Variants in MACROD2 observed in about 807,000 individuals in gnomAD.
MACROD2 encodes the protein ADP-ribose glycohydrolase MACROD2.
Under a neutral mutation model 70.4 loss-of-function variants are expected in MACROD2, and 36 were observed. The ratio of observed to expected loss-of-function variants is 0.51; its 90% CI spans 0.39 to 0.68. The LOEUF (loss-of-function observed/expected upper bound fraction) is 0.68, where lower values mean the gene tolerates loss of function less well. Ranked by LOEUF, MACROD2 falls within the 30% of genes least tolerant of loss-of-function variation. The pLI is 0.00. For missense variants in MACROD2, 496 were observed against 538.4 expected (o/e 0.92, Z 0.78); for synonymous variants, 172 against 178.8 (o/e 0.96, Z 0.30).
At position 15,198,376 on chromosome 20, in the gene MACROD2, C is replaced by T. The variant is rs113587841; in HGVS notation, c.419-31564C>T. 4.1e-3 allele frequency among the ~76,000 whole-genome samples: 617 copies of T among 152,136 alleles called. 6 individuals are homozygous for T. Among genetic ancestry groups the T allele is most frequent in the African/African-American group, 0.014 (578 of 41,500 alleles). ...TTTCTAATTATAAGCATTGCCAACG[C>T]GTCAGTTCTAAGTGAATATGTTTAT... is the stretch of plus-strand genomic sequence containing the variant. On this transcript the variant is annotated intron_variant, in intron 5 of 17. Transcript: ENST00000684519.
intron 3 of MACROD2, among the ~76,000 whole-genome samples, chr20:14,359,438 C>A (rs998069228): frequency 2.0e-5 from 3 of 152,002 alleles, no homozygotes; most frequent in African/African-American, 7.3e-5. Context: ...AATAGAACTA[C>A]CATATGATTC....
At position 14,260,361 on chromosome 20, in the gene MACROD2, T is replaced by C. The variant is rs187463537; in HGVS notation, c.271+174633T>C. On this transcript the variant is annotated intron_variant, in intron 3 of 17. Coordinates refer to ENST00000684519, the MANE Select transcript of MACROD2 (RefSeq NM_001351661.2). ...CTGTCAGAATTAACTTCATAGGATT[T>C]CTCAGTGCAAAAAAATGTCATGATA... Among the ~76,000 whole-genome samples the C allele has an allele frequency of 2.2e-4, 34 of 152,308 alleles. No homozygotes were observed. In the East Asian group the frequency reaches 4.2e-3, roughly 19 times the overall value.
intron 6 of MACROD2, among the ~76,000 whole-genome samples, chr20:15,305,719 C>A (rs751751060): frequency 2.0e-5 from 3 of 151,976 alleles, no homozygotes; most frequent in South Asian, 2.1e-4. Flanking sequence ...TGTGTGGTAG[C>A]CTTGTCGTGA....
chr20:14,746,808 G>C lies in MACROD2; in HGVS notation c.418+61849G>C, dbSNP rs531583050. 3.3e-5 allele frequency among the ~76,000 whole-genome samples: 5 copies of C among 152,030 alleles called. No individual in the cohort carries two copies. In the East Asian group the frequency reaches 5.8e-4, roughly 18 times the overall value. ...TTTACTAGCTAATGGTATTTTTTTC[G>C]TAAGAGTCACTTGGCTTTGCGGAAT... On this transcript the variant is annotated intron_variant, in intron 5 of 17. Coordinates refer to ENST00000684519, the MANE Select transcript of MACROD2 (RefSeq NM_001351661.2).
chr20:15,759,237 C>A (rs774236301), intron 8 of MACROD2, among the ~76,000 whole-genome samples: 1 of 151,084 alleles, frequency 6.6e-6, no homozygotes, highest in Non-Finnish European at 1.5e-5. Context: ...TGTGGGAACC[C>A]GTTAATTCCA....
intron 7 of MACROD2, among the ~76,000 whole-genome samples, chr20:15,432,671 T>G (rs1316825436): frequency 2.6e-5 from 4 of 152,056 alleles, no homozygotes; most frequent in Admixed American, 2.6e-4. Context: ...GAAATGGTTT[T>G]TATTATGAAA....
At position 15,258,051 on chromosome 20, in the gene MACROD2, AAAG is replaced by A. The variant is rs555412785; in HGVS notation, c.540+27991_540+27993del. On this transcript the variant is annotated intron_variant, in intron 6 of 17. Coordinates refer to ENST00000684519, the MANE Select transcript of MACROD2 (RefSeq NM_001351661.2). ...ACAAAAAGTTCAAAAGTTTAAAAAAAAAGGTAAAAATACAAAAAAAGTTTATAG... is the reference window on the plus strand; with the variant it reads ...ACAAAAAGTTCAAAAGTTTAAAAAAAGTAAAAATACAAAAAAAGTTTATAG... Among the ~76,000 whole-genome samples the A allele has an allele frequency of 6.3e-3, 964 of 152,166 alleles. 9 individuals carry two copies. Among genetic ancestry groups the A allele is most frequent in the African/African-American group, 0.022 (911 of 41,528 alleles).
intron 5 of MACROD2, among the ~76,000 whole-genome samples, chr20:14,890,908 G>T (rs982878414): frequency 2.0e-5 from 3 of 151,868 alleles, no homozygotes; most frequent in African/African-American, 7.3e-5. Flanking sequence ...TGTCATGATG[G>T]AAATCAAATC....
At chr20:15,144,956 T>C (rs1436629966) in intron 5 of MACROD2, among the ~76,000 whole-genome samples, 1 of 152,134 alleles carries the variant, frequency 6.6e-6, no homozygotes, top group African/African-American at 2.4e-5. Flanking sequence ...GAACGGGCTG[T>C]ATAAATCAGC....
chr20:15,914,551 C>T (rs1159348464), intron 10 of MACROD2, among the ~76,000 whole-genome samples: 1 of 152,190 alleles, frequency 6.6e-6, no homozygotes, highest in East Asian at 1.9e-4. Flanking sequence ...TGAGATAACA[C>T]GTGGAAAGCA....
chr20:15,803,159 A>G (rs1180624369), intron 8 of MACROD2, among the ~76,000 whole-genome samples: 2 of 152,114 alleles, frequency 1.3e-5, no homozygotes, highest in East Asian at 1.9e-4. Flanking sequence ...AACTCACCCT[A>G]TGAGGCTAGC....
intron 1 of MACROD2, among the ~76,000 whole-genome samples, chr20:14,000,926 A>C (rs1301987542): frequency 6.6e-6 from 1 of 152,134 alleles, no homozygotes; most frequent in East Asian, 1.9e-4. Flanking sequence ...TTCTCATACC[A>C]TATCTTGCAG....
chr20:15,448,536 A>C (rs919800584), intron 7 of MACROD2, among the ~76,000 whole-genome samples: 3 of 152,138 alleles, frequency 2.0e-5, no homozygotes, highest in African/African-American at 7.2e-5. Context: ...CCCTGCTCCC[A>C]GCACAGTGTT....
intron 8 of MACROD2, among the ~76,000 whole-genome samples, chr20:15,590,535 G>A (rs1422795483): frequency 6.6e-6 from 1 of 152,186 alleles, no homozygotes; most frequent in South Asian, 2.1e-4. Context: ...TTCTTTTCTG[G>A]TGCAGTCAAC....
intron 5 of MACROD2, among the ~76,000 whole-genome samples, chr20:15,135,154 A>T (rs1204687155): frequency 1.3e-5 from 2 of 151,706 alleles, no homozygotes; most frequent in African/African-American, 2.4e-5. Context: ...AGCTGGTACC[A>T]TTCCTTCTGA....
At position 15,281,674 on chromosome 20, in the gene MACROD2, C is replaced by T. The variant is rs529477490; in HGVS notation, c.540+51613C>T. Among the ~76,000 whole-genome samples the T allele has an allele frequency of 4.8e-4, 73 of 152,338 alleles. 2 individuals carry two copies. The highest frequency in any genetic ancestry group is 2.2e-3 in the Admixed American group (33 of 15,308). On this transcript the variant is annotated intron_variant, in intron 6 of 17. Coordinates refer to ENST00000684519, the MANE Select transcript of MACROD2 (RefSeq NM_001351661.2). ...AGCCCTATGCCTTTGCAGGGTACAG[C>T]GTCCCACCCAGCTGCTTTCATGGGC...
At chr20:15,709,642 A>G (rs945664445) in intron 8 of MACROD2, among the ~76,000 whole-genome samples, 2 of 152,186 alleles carry the variant, frequency 1.3e-5, no homozygotes, top group Admixed American at 6.5e-5. Context: ...ACTCCCGCCT[A>G]GGTGACAGAG....
intron 5 of MACROD2, among the ~76,000 whole-genome samples, chr20:15,194,061 C>T (rs934611862): frequency 4.0e-5 from 6 of 151,802 alleles, no homozygotes; most frequent in Admixed American, 3.9e-4. Context: ...GCCTGGCAAA[C>T]ATAGTGAAAC....
intron 4 of MACROD2, among the ~76,000 whole-genome samples, chr20:14,494,417 GT>G (rs1388353825): frequency 1.3e-5 from 2 of 152,066 alleles, no homozygotes; most frequent in East Asian, 3.8e-4. Flanking sequence ...TGTAAGAACA[GT>G]TGATTTTTAA....
Sources: gnomAD v4.1 joint callset for allele counts (sites outside exome capture counted in the v4.1 genomes callset) on GRCh38, gnomAD v4.1.1 for gene constraint, MANE v1.5 for transcripts, NCBI Gene and HGNC (gene_info 2026-07-23, HGNC 2026-07-21) for gene names.